BRD10: variants seen among roughly 807,000 people sequenced by gnomAD.
The protein encoded by BRD10 is bromodomain containing 10.
the BRD10 span, among the ~76,000 whole-genome samples, chr9:5,953,387 T>A: frequency 1.3e-5 from 2 of 152,172 alleles, no homozygotes; most frequent in Non-Finnish European, 2.9e-5. Flanking sequence ...TGAGATTCTC[T>A]GCTTAGTATT....
the BRD10 span, among the ~76,000 whole-genome samples, chr9:6,004,790 A>C: frequency 6.6e-6 from 1 of 152,224 alleles, no homozygotes; most frequent in Non-Finnish European, 1.5e-5. Flanking sequence ...CCTTAGTTGC[A>C]TTTCAAACAG....
At chr9:5,966,456 T>TTTG in the BRD10 span, among the ~76,000 whole-genome samples, 1 of 1,390 alleles carries the variant, frequency 7.2e-4, no homozygotes, top group South Asian at 0.029. Context: ...TAACATTTCC[T>TTTG]TTTTTTTTTT....
At chr9:5,927,714 A>C in the BRD10 span, among the ~76,000 whole-genome samples, 3 of 152,176 alleles carry the variant, frequency 2.0e-5, no homozygotes, top group Admixed American at 6.5e-5. Flanking sequence ...CCTGGTTTCC[A>C]AAACACTTCT....
the BRD10 span, among the ~76,000 whole-genome samples, chr9:5,991,282 TCTGTACATG>T: frequency 2.0e-5 from 3 of 152,136 alleles, no homozygotes; most frequent in African/African-American, 7.2e-5. Flanking sequence ...TAGTAGTGTA[TCTGTACATG>T]CATCTAGTAG....
the BRD10 span, among the ~76,000 whole-genome samples, chr9:5,978,428 T>G: frequency 7.0e-6 from 1 of 142,560 alleles, no homozygotes; most frequent in African/African-American, 2.6e-5. Flanking sequence ...TAAGAAATAA[T>G]AAAATGTACA....
chr9:5,967,829 G>T, the BRD10 span, among the ~76,000 whole-genome samples: 1 of 151,646 alleles, frequency 6.6e-6, no homozygotes, highest in Non-Finnish European at 1.5e-5. Flanking sequence ...TTTTTTTGTT[G>T]TAAGTATATA....
the BRD10 span, among the ~76,000 whole-genome samples, chr9:6,003,373 C>A: frequency 6.6e-6 from 1 of 152,014 alleles, no homozygotes; most frequent in African/African-American, 2.4e-5. Context: ...TAATATTTGA[C>A]GTTCTCTAAA....
the BRD10 span, among the ~76,000 whole-genome samples, chr9:5,999,841 C>G: frequency 0.041 from 6,193 of 152,168 alleles, 327 homozygotes; most frequent in South Asian, 0.13. Context: ...AAATAATAAG[C>G]ATTGTAAATA....
At chr9:5,902,241 G>A in the BRD10 span, among the ~76,000 whole-genome samples, 4 of 152,150 alleles carry the variant, frequency 2.6e-5, no homozygotes, top group Admixed American at 2.0e-4. Flanking sequence ...GACAGATTGT[G>A]TCTTTCAAAG....
At chr9:5,908,730 C>A in the BRD10 span, 11 of 1,598,582 alleles carry the variant, frequency 6.9e-6, no homozygotes, top group Non-Finnish European at 9.4e-6. Flanking sequence ...ACACCTGAGA[C>A]ATGCTGAAAT....
the BRD10 span, among the ~76,000 whole-genome samples, chr9:5,904,379 C>T: frequency 6.6e-6 from 1 of 152,142 alleles, no homozygotes; most frequent in South Asian, 2.1e-4. Flanking sequence ...TTCTTTGTTT[C>T]TATTTTTGTC....
the BRD10 span, among the ~76,000 whole-genome samples, chr9:5,940,956 T>G: frequency 6.6e-6 from 1 of 152,164 alleles, no homozygotes; most frequent in Admixed American, 6.5e-5. Context: ...CAGAAGAGGT[T>G]TTTTTCCTTA....
At chr9:5,988,183 T>G in the BRD10 span, among the ~76,000 whole-genome samples, 1 of 152,208 alleles carries the variant, frequency 6.6e-6, no homozygotes, top group Non-Finnish European at 1.5e-5. Context: ...GGTTTTAAAT[T>G]TTAAAATTAC....
At chr9:5,991,742 A>G in the BRD10 span, among the ~76,000 whole-genome samples, 1 of 151,702 alleles carries the variant, frequency 6.6e-6, no homozygotes, top group Non-Finnish European at 1.5e-5. Context: ...AAAAAAAAAA[A>G]AAAGGCAAAT....
At chr9:5,899,577 T>G in the BRD10 span, among the ~76,000 whole-genome samples, 1 of 152,036 alleles carries the variant, frequency 6.6e-6, no homozygotes, top group East Asian at 1.9e-4. Context: ...AAGCCTTGGG[T>G]TAGAAAGTTA....
chr9:5,995,385 A>G, the BRD10 span, among the ~76,000 whole-genome samples: 8 of 152,182 alleles, frequency 5.3e-5, no homozygotes, highest in East Asian at 1.3e-3. Context: ...TGTGCCTCCA[A>G]TCCTCTAATG....
At chr9:5,948,714 T>C in the BRD10 span, among the ~76,000 whole-genome samples, 2,150 of 152,032 alleles carry the variant, frequency 0.014, 19 homozygotes, top group Non-Finnish European at 0.021. Context: ...GAAAACAATG[T>C]AGAAAAGTAA....
the BRD10 span, among the ~76,000 whole-genome samples, chr9:5,915,713 T>C: frequency 1.3e-5 from 2 of 152,196 alleles, no homozygotes; most frequent in African/African-American, 4.8e-5. Flanking sequence ...TAAATTCTTA[T>C]AGTTCTTTAT....
chr9:5,993,932 G>A, the BRD10 span, among the ~76,000 whole-genome samples: 5 of 151,986 alleles, frequency 3.3e-5, no homozygotes, highest in Non-Finnish European at 5.9e-5. Flanking sequence ...AAATTTTACT[G>A]GGGAATTCTG....
Sources: gnomAD v4.1 joint callset for allele counts (sites outside exome capture counted in the v4.1 genomes callset) on GRCh38, gnomAD v4.1.1 for gene constraint, MANE v1.5 for transcripts, NCBI Gene and HGNC (gene_info 2026-07-23, HGNC 2026-07-21) for gene names.